FRMPD1: variants seen among roughly 807,000 people sequenced by gnomAD.
The protein encoded by FRMPD1 is FERM and PDZ domain-containing protein 1.
A neutral mutation model predicts 117.8 loss-of-function variants in FRMPD1; 76 were observed. The observed-to-expected ratio is 0.65, with a 90% CI of 0.54 to 0.78. The LOEUF (loss-of-function observed/expected upper bound fraction) is 0.78, where lower values mean the gene tolerates loss of function less well. FRMPD1 is among the 30% of genes least tolerant of loss of function. The pLI is 0.00. For missense variants in FRMPD1, 1,786 were observed against 1,964.5 expected (o/e 0.91, Z 1.72); for synonymous variants, 783 against 770.4 (o/e 1.02, Z -0.27).
the FRMPD1 span, among the ~76,000 whole-genome samples, chr9:37,639,326 CCTGGAGCT>C: frequency 2.0e-5 from 3 of 151,848 alleles, no homozygotes; most frequent in East Asian, 5.8e-4. Flanking sequence ...CTGAGAACTG[CCTGGAGCT>C]AGTAGTTTGC....
intron 2 of FRMPD1, among the ~76,000 whole-genome samples, chr9:37,696,170 A>C (rs1050720827): frequency 6.9e-6 from 1 of 145,942 alleles, no homozygotes; most frequent in African/African-American, 2.5e-5. Context: ...TGTTTTTATG[A>C]CAGGTCCTTC....
intron 5 of FRMPD1, among the ~76,000 whole-genome samples, chr9:37,715,122 A>T (rs1823065049): frequency 1.3e-5 from 2 of 152,198 alleles, no homozygotes; most frequent in Non-Finnish European, 2.9e-5. Flanking sequence ...GAATTTTATG[A>T]AAATGTTCTG....
At chr9:37,670,594 A>G (rs1309952442) in intron 1 of FRMPD1, among the ~76,000 whole-genome samples, 1 of 152,258 alleles carries the variant, frequency 6.6e-6, no homozygotes, top group Non-Finnish European at 1.5e-5. Flanking sequence ...AAATGAGGCC[A>G]TGTAACTAGG....
At chr9:37,739,537 C>A (rs1824283808) in intron 14 of FRMPD1, among the ~76,000 whole-genome samples, 1 of 152,262 alleles carries the variant, frequency 6.6e-6, no homozygotes, top group African/African-American at 2.4e-5. Flanking sequence ...ACCCATGGAT[C>A]CAGAAGGCCA....
chr9:37,726,171 A>G (rs1823607730), intron 7 of FRMPD1, among the ~76,000 whole-genome samples: 1 of 152,238 alleles, frequency 6.6e-6, no homozygotes, highest in Non-Finnish European at 1.5e-5. Flanking sequence ...TTAGCTGTTT[A>G]CGACACAGAG....
At chr9:37,676,547 C>G (rs544425599) in intron 1 of FRMPD1, among the ~76,000 whole-genome samples, 1 of 152,286 alleles carries the variant, frequency 6.6e-6, no homozygotes, top group South Asian at 2.1e-4. Flanking sequence ...TGGCTGCCAC[C>G]TCCTAACAGC....
chr9:37,687,478 A>C (rs1821990308), intron 1 of FRMPD1, among the ~76,000 whole-genome samples: 1 of 152,240 alleles, frequency 6.6e-6, no homozygotes, highest in South Asian at 2.1e-4. Flanking sequence ...TCAATATCCT[A>C]GAATTTCCAA....
chr9:37,731,507 C>T (rs370804840), intron 9 of FRMPD1, among the ~76,000 whole-genome samples: 22 of 152,268 alleles, frequency 1.4e-4, no homozygotes, highest in South Asian at 4.2e-4. Context: ...GTTCTTGATC[C>T]GTGGCCTGGT....
intron 1 of FRMPD1, among the ~76,000 whole-genome samples, chr9:37,661,120 C>A (rs1287525982): frequency 3.3e-5 from 5 of 152,164 alleles, no homozygotes; most frequent in Non-Finnish European, 5.9e-5. Context: ...GGCGGTGGAC[C>A]TAATGTCCAG....
chr9:37,745,426 G>C lies in FRMPD1; in HGVS notation c.3394G>C (p.Asp1132His). The C allele has an allele frequency of 6.2e-7, 1 of 1,614,004 alleles. No homozygotes were observed. Among genetic ancestry groups the C allele is most frequent in the Non-Finnish European group, 8.5e-7 (1 of 1,179,878 alleles). Reference protein sequence around the residue: ...TNVFQEESRKDSGDSPGDVSN... With the variant: ...TNVFQEESRKHSGDSPGDVSN... Reference sequence around the variant, plus strand: ...CGTATTTCAGGAGGAGTCTAGGAAGGATTCAGGTGACTCCCCGGGTGATGT... The same window carrying C: ...CGTATTTCAGGAGGAGTCTAGGAAGCATTCAGGTGACTCCCCGGGTGATGT... The change falls in exon 16 of 16, where the codon GAT becomes CAT. Residue 1132 changes from aspartate to histidine, a missense_variant. By Grantham distance (81) the Asp-to-His change is moderately conservative. Coordinates refer to ENST00000377765, the MANE Select transcript of FRMPD1 (RefSeq NM_014907.3).
intron 1 of FRMPD1, among the ~76,000 whole-genome samples, chr9:37,691,183 G>A (rs915613706): frequency 1.3e-5 from 2 of 152,296 alleles, no homozygotes; most frequent in South Asian, 2.1e-4. Context: ...TTCCTGTACC[G>A]TCTATTGTGC....
At chr9:37,608,467 C>T in the FRMPD1 span, among the ~76,000 whole-genome samples, 1 of 144,846 alleles carries the variant, frequency 6.9e-6, no homozygotes, top group Admixed American at 7.1e-5. Context: ...TCTTCCTTCC[C>T]TCCTTCCTTC....
the FRMPD1 span, among the ~76,000 whole-genome samples, chr9:37,625,179 T>C: frequency 6.6e-6 from 1 of 152,146 alleles, no homozygotes; most frequent in East Asian, 1.9e-4. Context: ...CACACTGTGA[T>C]TTGGAGGGGG....
intron 1 of FRMPD1, among the ~76,000 whole-genome samples, chr9:37,684,086 G>T (rs1364859592): frequency 6.6e-6 from 1 of 151,618 alleles, no homozygotes; most frequent in Non-Finnish European, 1.5e-5. Flanking sequence ...GGAACAACAG[G>T]TAATACAGTT....
the FRMPD1 span, among the ~76,000 whole-genome samples, chr9:37,623,681 AATG>A: frequency 1.4e-4 from 22 of 152,264 alleles, no homozygotes; most frequent in African/African-American, 5.3e-4. Context: ...TCACTGCAGA[AATG>A]ATATGATTAG....
the FRMPD1 span, among the ~76,000 whole-genome samples, chr9:37,630,197 A>G: frequency 6.6e-6 from 1 of 152,162 alleles, no homozygotes; most frequent in Non-Finnish European, 1.5e-5. Flanking sequence ...GGTCCATAGC[A>G]CTTGCCATAC....
chr9:37,621,192 C>T, the FRMPD1 span, among the ~76,000 whole-genome samples: 1 of 152,092 alleles, frequency 6.6e-6, no homozygotes, highest in African/African-American at 2.4e-5. Context: ...CAGGAAAGGC[C>T]TACACTAGGG....
At chr9:37,637,975 T>TCTTTCTTTCTTTCTTTCTTTC in the FRMPD1 span, among the ~76,000 whole-genome samples, 9 of 97,146 alleles carry the variant, frequency 9.3e-5, no homozygotes, top group African/African-American at 3.4e-4. Flanking sequence ...TTTCTTTCTT[T>TCTTTCTTTCTTTCTTTCTTTC]CTTTCTTTCT....
the FRMPD1 span, among the ~76,000 whole-genome samples, chr9:37,606,643 A>G: frequency 6.6e-6 from 1 of 152,246 alleles, no homozygotes; most frequent in Admixed American, 6.5e-5. Flanking sequence ...TGGAAATATA[A>G]AACTAAAATT....
Sources: allele counts gnomAD v4.1 joint callset (sites outside exome capture counted in the v4.1 genomes callset), GRCh38; gene constraint gnomAD v4.1.1; transcripts MANE v1.5; gene names NCBI Gene and HGNC (gene_info 2026-07-23, HGNC 2026-07-21).